The following UBIAD1 variants were observed in gnomAD, a reference collection of about 807,000 sequenced individuals.
UBIAD1 encodes the protein UbiA prenyltransferase domain containing 1.
In UBIAD1, 12 loss-of-function variants were observed where a neutral mutation model predicts 20.1. That is an observed-to-expected ratio of 0.60 (90% CI 0.38 to 0.97). UBIAD1 has a LOEUF of 0.97. Among genes scored for constraint, UBIAD1 ranks in the 50% least tolerant of loss-of-function variants. UBIAD1 has a pLI of 0.00. For synonymous variants in UBIAD1, 207 were observed against 189.2 expected, an observed-to-expected ratio of 1.09 and a Z score of -0.77; for missense variants, 333 against 419.5, an observed-to-expected ratio of 0.79 and a Z score of 1.80.
downstream of UBIAD1, among the ~76,000 whole-genome samples, chr1:11,297,960 TTTTTTTG>T (rs1638473953): frequency 7.1e-6 from 1 of 141,010 alleles, no homozygotes; most frequent in African/African-American, 3.2e-5. Context: ...TTGTTTTTTG[TTTTTTTG>T]TTTTTTTTTT....
rs111988587 is a variant in UBIAD1 at position 11,277,197 on chromosome 1, T to G, written c.529+3137T>G. 2.0e-5 allele frequency among the ~76,000 whole-genome samples: 3 copies of G among 151,622 alleles called. 1 individual carries two copies. Among genetic ancestry groups the G allele is most frequent in the African/African-American group, 7.3e-5 (3 of 41,194 alleles). On this transcript the variant is annotated intron_variant, in intron 1 of 1. Coordinates refer to ENST00000376810, the MANE Select transcript of UBIAD1 (RefSeq NM_013319.3). ...AGTGAGCCAAGATCTCATCACTGCATTCCAGCCTGGGCAACAGAACAAGAC... is the reference window on the plus strand; with the variant it reads ...AGTGAGCCAAGATCTCATCACTGCAGTCCAGCCTGGGCAACAGAACAAGAC...
Position 11,285,046 on chromosome 1 carries a change from A to G in UBIAD1, c.530-598A>G, listed in dbSNP as rs1002607942. ...GTAGGGGTGGTTTAGTTTCAATCTC[A>G]TAGGAGACAGAGGAGGAAAGCAGCA... On this transcript the variant is annotated intron_variant, in intron 1 of 1. Coordinates refer to ENST00000376810, the MANE Select transcript of UBIAD1 (RefSeq NM_013319.3). The surrounding 1 kb of genome is among the most constrained non-coding windows in gnomAD (Gnocchi z 4.4). 6.6e-6 allele frequency among the ~76,000 whole-genome samples: 1 copy of G among 152,182 alleles called. No homozygotes were observed. The highest frequency in any genetic ancestry group is 2.4e-5 in the African/African-American group (1 of 41,456).
downstream of UBIAD1, among the ~76,000 whole-genome samples, chr1:11,291,688 C>T (rs1037299365): frequency 1.3e-5 from 2 of 151,444 alleles, no homozygotes; most frequent in Non-Finnish European, 2.9e-5. Flanking sequence ...TGTGTGTGCA[C>T]GCGTGTGTGT....
intron 1 of UBIAD1, among the ~76,000 whole-genome samples, chr1:11,274,903 C>T (rs868127510): frequency 3.3e-5 from 5 of 152,170 alleles, no homozygotes; most frequent in Non-Finnish European, 4.4e-5. Flanking sequence ...CCACCATGCC[C>T]GGCCTATATG....
At chr1:11,277,875 C>A (rs1288220876) in intron 1 of UBIAD1, among the ~76,000 whole-genome samples, 1 of 152,166 alleles carries the variant, frequency 6.6e-6, no homozygotes, top group Non-Finnish European at 1.5e-5. Context: ...AACTCCTGAC[C>A]TCAGGTGATC....
intron 1 of UBIAD1, among the ~76,000 whole-genome samples, chr1:11,283,141 C>T (rs1266352718): frequency 6.6e-6 from 1 of 152,200 alleles, no homozygotes; most frequent in African/African-American, 2.4e-5. Context: ...GGATTACAGG[C>T]GTGAGCCACC....
At chr1:11,278,104 C>G (rs951779028) in intron 1 of UBIAD1, among the ~76,000 whole-genome samples, 2 of 152,042 alleles carry the variant, frequency 1.3e-5, no homozygotes, top group Non-Finnish European at 2.9e-5. Context: ...ACTACAGGCG[C>G]GTGCTACCAC....
downstream of UBIAD1, among the ~76,000 whole-genome samples, chr1:11,290,685 T>A (rs11804862): frequency 0.095 from 14,454 of 152,184 alleles, 1,107 homozygotes; most frequent in African/African-American, 0.21. Flanking sequence ...TACTCCTGTA[T>A]TAAAACCACC....
intron 1 of UBIAD1, among the ~76,000 whole-genome samples, chr1:11,284,729 G>A (rs1048761833): frequency 6.6e-6 from 1 of 152,184 alleles, no homozygotes; most frequent in African/African-American, 2.4e-5. Flanking sequence ...CTCCCAGAGT[G>A]CTGGGATTAC....
At position 11,287,004 on chromosome 1, in the gene UBIAD1, C is replaced by T. The variant is rs1038281349; in HGVS notation, c.*873C>T. 1.3e-5 allele frequency: 2 copies of T among 152,308 alleles called. No homozygotes were observed. The highest frequency in any genetic ancestry group is 2.9e-5 in the Non-Finnish European group (2 of 68,110). The allele number at this position is 152,308 out of a possible 1,614,324, so 9.4% of individuals were successfully genotyped here. On this transcript the variant is annotated 3_prime_UTR_variant, in exon 2 of 2. Transcript: ENST00000376810. ...CTCAAAGCCCACAGGGCTTTTCCCT[C>T]CCTATTGCATCTTCTGATGCTCCCC...
chr1:11,286,056 G>A lies in UBIAD1; in HGVS notation c.942G>A (p.Lys314=). 1.9e-6 allele frequency: 3 copies of A among 1,614,158 alleles called. No homozygotes were observed. The highest frequency in any genetic ancestry group is 1.1e-5 in the South Asian group (1 of 91,086). The change falls in exon 2 of 2, where the codon AAG becomes AAA. Residue 314 remains lysine, a synonymous_variant. Coordinates refer to ENST00000376810, the MANE Select transcript of UBIAD1 (RefSeq NM_013319.3). ...AFNKLPQRTA[K]LNLLLGLFYV... ...ACAAACTGCCCCAGAGGACTGCCAAGCTCAACCTCCTGCTGGGACTTTTCT... is the reference window on the plus strand; with the variant it reads ...ACAAACTGCCCCAGAGGACTGCCAAACTCAACCTCCTGCTGGGACTTTTCT...
At chr1:11,292,690 C>CAT (rs1278216866), downstream of UBIAD1, among the ~76,000 whole-genome samples, 6 of 151,752 alleles carry the variant, frequency 4.0e-5, no homozygotes, top group East Asian at 9.7e-4. Context: ...CACACACACA[C>CAT]ACACACACAC....
downstream of UBIAD1, among the ~76,000 whole-genome samples, chr1:11,297,651 A>G (rs1194250807): frequency 6.6e-6 from 1 of 152,172 alleles, no homozygotes; most frequent in Non-Finnish European, 1.5e-5. Flanking sequence ...TGACTATGAA[A>G]AAGTTGGGGT....
At chr1:11,279,957 T>C (rs1486428968) in intron 1 of UBIAD1, among the ~76,000 whole-genome samples, 1 of 152,110 alleles carries the variant, frequency 6.6e-6, no homozygotes, top group Non-Finnish European at 1.5e-5. Context: ...GTAAAGGGGA[T>C]GTGAGCAAGC....
chr1:11,278,490 C>T, intron 1 of UBIAD1: 1 of 433,118 alleles, frequency 2.3e-6, no homozygotes, highest in Non-Finnish European at 3.8e-6. Flanking sequence ...ATGTCCAGGT[C>T]ATGTTTACCA....
rs775204126 is a variant in UBIAD1 at position 11,285,900 on chromosome 1, C to T, written c.786C>T (p.Asn262=). The change falls in exon 2 of 2, where the codon AAC becomes AAT. Residue 262 remains asparagine (N), a synonymous_variant. Transcript: ENST00000376810. This position sits in a 1 kb window ranked among gnomAD's most constrained non-coding sequence, Gnocchi z 4.4. ...CCACGTTCTCCTACATTCTCTACAA[C>T]ACACTGCTCTTCCTGCCCTACCTGG... ...IGPTFSYILY[N]TLLFLPYLVF... 1.2e-6 allele frequency: 2 copies of T among 1,614,234 alleles called. No homozygotes were observed. Among genetic ancestry groups the T allele is most frequent in the Admixed American group, 3.3e-5 (2 of 60,030 alleles).
chr1:11,296,865 T>C (rs982776454), downstream of UBIAD1, among the ~76,000 whole-genome samples: 39 of 102,874 alleles, frequency 3.8e-4, no homozygotes, highest in Admixed American at 7.1e-4. Flanking sequence ...TTGTTTTTTG[T>C]GTAATCTTAG....
At chr1:11,292,632 T>TGTG (rs1638384084), downstream of UBIAD1, among the ~76,000 whole-genome samples, 1 of 151,614 alleles carries the variant, frequency 6.6e-6, no homozygotes, top group African/African-American at 2.4e-5. Flanking sequence ...CAGGAACAGC[T>TGTG]GTGATTGATA....
chr1:11,284,829 G>C (rs1052976626), intron 1 of UBIAD1, among the ~76,000 whole-genome samples: 4 of 152,008 alleles, frequency 2.6e-5, no homozygotes, highest in African/African-American at 9.7e-5. Flanking sequence ...GGGATGGAGA[G>C]GGGGAGGGGT....
Sources: gnomAD v4.1 joint callset for allele counts (sites outside exome capture counted in the v4.1 genomes callset) on GRCh38, gnomAD v4.1.1 for gene constraint, Gnocchi (gnomAD v3.1) non-coding constraint, MANE v1.5 for transcripts, NCBI Gene and HGNC (gene_info 2026-07-23, HGNC 2026-07-21) for gene names.